The following RNF8 variants were observed in gnomAD, a reference collection of about 807,000 sequenced individuals.
RNF8 encodes ring finger protein 8.
Under a neutral mutation model 59.3 loss-of-function variants are expected in RNF8, and 8 were observed. The observed-to-expected ratio is 0.13, with a 90% CI of 0.08 to 0.24. The LOEUF (loss-of-function observed/expected upper bound fraction) is 0.24, where lower values mean the gene tolerates loss of function less well. Ranked by LOEUF, RNF8 falls within the 10% of genes least tolerant of loss-of-function variation. The pLI, the probability that RNF8 is intolerant of heterozygous loss-of-function variation, is 1.00. For synonymous variants in RNF8, 162 were observed against 200.0 expected (o/e 0.81, Z 1.60); for missense variants, 406 against 572.6 (o/e 0.71, Z 2.97).
intron 7 of RNF8, among the ~76,000 whole-genome samples, chr6:37,381,618 T>A (rs2113831437): frequency 6.6e-6 from 1 of 152,270 alleles, no homozygotes; most frequent in Admixed American, 6.5e-5. Context: ...AAAATGAAGA[T>A]GTGATTTAAA....
chr6:37,374,727 G>A lies in RNF8; in HGVS notation c.1128+18G>A. 1 of 1,601,052 alleles carries A rather than the reference G, an allele frequency of 6.2e-7. No individual in the cohort carries two copies. ...AGACCAAGGTACTGGAAAGAAGATG[G>A]AAGTTTAGAATTTGGTTAGTGCATG... On this transcript the variant is annotated intron_variant, in intron 5 of 7. Transcript: ENST00000373479.
At chr6:37,361,204 G>C in intron 2 of RNF8, 1 of 454,350 alleles carries the variant, frequency 2.2e-6, no homozygotes, top group South Asian at 1.6e-5. Context: ...GGTGGCACAT[G>C]CCTGTAGTCC....
rs150075104 is a variant in RNF8, at chr6:37,365,279, A to G, written c.241-3205A>G. Among the ~76,000 whole-genome samples, 5 of 152,306 alleles carry G rather than the reference A, an allele frequency of 3.3e-5. No homozygotes were observed. The East Asian group carries it at 7.7e-4, about 23-fold the overall frequency. ...GTGTAGATAATAAGATTCCATTTGT[A>G]TTACATTCTGGGAAAGAGAAGAGAA... On this transcript the variant is annotated intron_variant, in intron 2 of 7. Coordinates refer to ENST00000373479, the MANE Select transcript of RNF8 (RefSeq NM_003958.4).
Position 37,394,322 on chromosome 6 carries a change from C to G in RNF8, c.*3564C>G, listed in dbSNP as rs1014105278. 1.3e-5 allele frequency: 2 copies of G among 152,200 alleles called. No homozygotes were observed. Among genetic ancestry groups the G allele is most frequent in the Non-Finnish European group, 2.9e-5 (2 of 68,052 alleles). 9.4% of individuals were successfully genotyped at this position (152,200 alleles called of 1,614,324 possible). ...TGGTCAGCTTTTTCAGCTTCTCCAA[C>G]AAATGGGAGTTGAGGCAGTAGGAGT... On this transcript the variant is annotated 3_prime_UTR_variant, in exon 8 of 8. Coordinates refer to ENST00000373479, the MANE Select transcript of RNF8 (RefSeq NM_003958.4).
chr6:37,355,732 G>A (rs973601983), intron 1 of RNF8, among the ~76,000 whole-genome samples: 2 of 152,136 alleles, frequency 1.3e-5, no homozygotes, highest in African/African-American at 4.8e-5. Context: ...CTTCTATCCA[G>A]GTATTAGTGC....
Position 37,360,414 on chromosome 6 carries a change from A to T in RNF8, c.112-32A>T. The T allele has an allele frequency of 6.2e-7, 1 of 1,607,570 alleles. No homozygotes were observed. The highest frequency in any genetic ancestry group is 1.1e-5 in the South Asian group (1 of 91,022). On this transcript the variant is annotated intron_variant, in intron 1 of 7. Transcript: ENST00000373479. This position sits in a 1 kb window ranked among gnomAD's most constrained non-coding sequence, Gnocchi z 4.2. Reference sequence around the variant, plus strand: ...ACCTCCCTTTTCAGCACAATGACTGATGGTATTTCTTGCATTGTTGTTGTC... The same window carrying T: ...ACCTCCCTTTTCAGCACAATGACTGTTGGTATTTCTTGCATTGTTGTTGTC...
At chr6:37,375,610 C>A (rs891311525) in intron 5 of RNF8, among the ~76,000 whole-genome samples, 7 of 152,164 alleles carry the variant, frequency 4.6e-5, no homozygotes, top group African/African-American at 1.2e-4. Context: ...TCACATAATA[C>A]CTTCCTCTCC....
At chr6:37,357,202 T>G (rs1769153209) in intron 1 of RNF8, among the ~76,000 whole-genome samples, 1 of 152,136 alleles carries the variant, frequency 6.6e-6, no homozygotes, top group Non-Finnish European at 1.5e-5. Flanking sequence ...CACATATGGG[T>G]CGTCAGTCAG....
intron 1 of RNF8, among the ~76,000 whole-genome samples, chr6:37,355,518 A>G (rs767659457): frequency 1.3e-5 from 2 of 152,216 alleles, no homozygotes; most frequent in Non-Finnish European, 2.9e-5. Flanking sequence ...CAGTCATCGT[A>G]TAAAGAACAT....
At chr6:37,384,958 G>A (rs1770428491) in intron 7 of RNF8, among the ~76,000 whole-genome samples, 1 of 152,090 alleles carries the variant, frequency 6.6e-6, no homozygotes, top group Admixed American at 6.5e-5. Flanking sequence ...GCAAGGTCAG[G>A]ATGAGGCGGG....
chr6:37,385,631 C>T (rs774119769), intron 7 of RNF8, among the ~76,000 whole-genome samples: 12 of 151,232 alleles, frequency 7.9e-5, no homozygotes, highest in South Asian at 4.2e-4. Context: ...CTCAAAAAAA[C>T]GAAAAAGAAG....
chr6:37,354,073 T>G lies in RNF8; in HGVS notation c.-92T>G. The stretch of plus-strand genomic sequence containing the variant: ...TGTGGCGATTGCTTCTGTCTGTTAT[T>G]TAGATATGGAAGCTGAGGGGATGCA... On this transcript the variant is annotated 5_prime_UTR_variant, in exon 1 of 8. The change creates a new upstream start codon in the 5' untranslated region. Transcript: ENST00000373479. 9.6e-7 allele frequency: 1 copy of G among 1,040,472 alleles called. No individual in the cohort carries two copies. Among genetic ancestry groups the G allele is most frequent in the Non-Finnish European group, 1.5e-6 (1 of 685,354 alleles). The allele number at this position is 1,040,472 out of a possible 1,614,324, so 64.5% of individuals were successfully genotyped here. A position where few individuals can be genotyped will look rare whatever the true frequency, so the allele number is the denominator to read the frequency against.
At chr6:37,379,549 G>T (rs1770167164) in intron 6 of RNF8, among the ~76,000 whole-genome samples, 1 of 152,226 alleles carries the variant, frequency 6.6e-6, no homozygotes, top group Non-Finnish European at 1.5e-5. Context: ...TCTTCTGAGT[G>T]AAAAGGGCTC....
At chr6:37,358,100 A>G (rs1769185621) in intron 1 of RNF8, among the ~76,000 whole-genome samples, 2 of 152,230 alleles carry the variant, frequency 1.3e-5, no homozygotes, top group Admixed American at 6.5e-5. Flanking sequence ...GAGCCTGTGC[A>G]AGATCTGAGA....
intron 6 of RNF8, 37 bp from the exon 7 acceptor site, chr6:37,381,113 G>T: frequency 1.9e-6 from 3 of 1,565,556 alleles, no homozygotes; most frequent in South Asian, 1.1e-5. Context: ...AAGTAAGCAT[G>T]AAAGTTCTGA....
At chr6:37,377,109 T>A (rs1386966040) in intron 6 of RNF8, 76 bp downstream of exon 6, 2 of 792,898 alleles carry the variant, frequency 2.5e-6, no homozygotes, top group Non-Finnish European at 3.9e-6. Flanking sequence ...TCTCACTCTG[T>A]CAACCCAGGC....
chr6:37,374,057 G>A (rs999190734), intron 4 of RNF8, among the ~76,000 whole-genome samples: 10 of 152,190 alleles, frequency 6.6e-5, no homozygotes, highest in African/African-American at 2.4e-4. Context: ...AACACTGGCA[G>A]GGTTCAGGCA....
At chr6:37,382,600 G>C (rs1309792723) in intron 7 of RNF8, among the ~76,000 whole-genome samples, 1 of 152,076 alleles carries the variant, frequency 6.6e-6, no homozygotes, top group Non-Finnish European at 1.5e-5. Context: ...GTGGACCTAG[G>C]GACACCCATG....
chr6:37,387,485 C>T (rs1370693256), intron 7 of RNF8, among the ~76,000 whole-genome samples: 3 of 152,152 alleles, frequency 2.0e-5, no homozygotes, highest in Non-Finnish European at 4.4e-5. Flanking sequence ...GGGCTACAGG[C>T]GTGCGCCACC....
Sources: gnomAD v4.1 joint callset for allele counts (sites outside exome capture counted in the v4.1 genomes callset) on GRCh38, gnomAD v4.1.1 for gene constraint, Gnocchi (gnomAD v3.1) non-coding constraint, MANE v1.5 for transcripts, NCBI Gene and HGNC (gene_info 2026-07-23, HGNC 2026-07-21) for gene names.